The following ZRANB3 variants were observed in gnomAD, a reference collection of about 807,000 sequenced individuals.
ZRANB3 encodes zinc finger RANBP2-type containing 3.
ZRANB3 carries 125 observed loss-of-function variants against 133.8 expected under a neutral mutation model. That is an observed-to-expected ratio of 0.93 (90% CI 0.81 to 1.08). The LOEUF is 1.08. Among genes scored for constraint, ZRANB3 ranks in the 50% least tolerant of loss-of-function variants. The probability of loss-of-function intolerance (pLI) is 0.00; values close to 1 mark genes in which losing one functional copy is unlikely to be tolerated. For missense variants in ZRANB3, 1,229 were observed against 1,275.5 expected, an observed-to-expected ratio of 0.96 and a Z score of 0.56; for synonymous variants, 387 against 432.7, an observed-to-expected ratio of 0.89 and a Z score of 1.31.
intron 1 of ZRANB3, among the ~76,000 whole-genome samples, chr2:135,510,266 T>C (rs945689563): frequency 4.6e-5 from 7 of 152,100 alleles, no homozygotes; most frequent in Non-Finnish European, 8.8e-5. Flanking sequence ...ACATGCAAAA[T>C]AAGCAAGGAA....
intron 2 of ZRANB3, among the ~76,000 whole-genome samples, chr2:135,403,448 C>G (rs916681351): frequency 9.9e-5 from 15 of 152,230 alleles, no homozygotes; most frequent in Non-Finnish European, 1.8e-4. Context: ...GTAAACAAAC[C>G]AGCCTGGAAG....
chr2:135,527,879 T>C (rs1363223826), intron 1 of ZRANB3, among the ~76,000 whole-genome samples: 1 of 152,238 alleles, frequency 6.6e-6, no homozygotes, highest in Non-Finnish European at 1.5e-5. Context: ...ACCTTTACTT[T>C]CTTTTTTACA....
At chr2:135,384,580 T>C (rs540458165) in intron 3 of ZRANB3, among the ~76,000 whole-genome samples, 7 of 152,312 alleles carry the variant, frequency 4.6e-5, no homozygotes, top group East Asian at 1.9e-4. Context: ...TGAACATTGA[T>C]GCAAAAATCC....
intron 2 of ZRANB3, among the ~76,000 whole-genome samples, chr2:135,485,869 A>G: frequency 6.6e-6 from 1 of 152,232 alleles, no homozygotes; most frequent in East Asian, 1.9e-4. Context: ...ATCTTTTTGG[A>G]TTACATTTTC....
intron 2 of ZRANB3, among the ~76,000 whole-genome samples, chr2:135,480,090 T>C (rs997752257): frequency 2.0e-5 from 3 of 149,596 alleles, no homozygotes; most frequent in Non-Finnish European, 4.4e-5. Flanking sequence ...CCCGCCACCA[T>C]GTCAGGCTAA....
chr2:135,258,909 A>T (rs1464776898), intron 12 of ZRANB3, among the ~76,000 whole-genome samples: 6 of 152,198 alleles, frequency 3.9e-5, no homozygotes, highest in Non-Finnish European at 5.9e-5. Context: ...TGCAGGAAAA[A>T]AAGTTTATTT....
chr2:135,482,915 A>G (rs1274552899), intron 2 of ZRANB3, among the ~76,000 whole-genome samples: 4 of 151,868 alleles, frequency 2.6e-5, no homozygotes, highest in Non-Finnish European at 5.9e-5. Context: ...ATGCTGGATT[A>G]CATTTATTGA....
chr2:135,315,617 TA>T, intron 6 of ZRANB3, 87 bp from the exon 7 acceptor site: 1 of 966,092 alleles, frequency 1.0e-6, no homozygotes. Flanking sequence ...CTTTTAATGA[TA>T]AGGAGCCATG....
chr2:135,279,308 C>A (rs1680987998), intron 8 of ZRANB3, among the ~76,000 whole-genome samples: 1 of 152,226 alleles, frequency 6.6e-6, no homozygotes, highest in Admixed American at 6.5e-5. Context: ...TTTTGCATGT[C>A]TAAGTTTTCT....
intron 17 of ZRANB3, among the ~76,000 whole-genome samples, chr2:135,213,626 C>A (rs1177076669): frequency 6.6e-6 from 1 of 152,182 alleles, no homozygotes; most frequent in Non-Finnish European, 1.5e-5. Context: ...TCTTCATTCT[C>A]TTTCCTGATT....
chr2:135,454,630 C>G (rs180899732), intron 2 of ZRANB3, among the ~76,000 whole-genome samples: 1 of 152,302 alleles, frequency 6.6e-6, no homozygotes, highest in Admixed American at 6.5e-5. Flanking sequence ...CATTATACCA[C>G]TCTGTATGCC....
intron 2 of ZRANB3, among the ~76,000 whole-genome samples, chr2:135,430,267 G>C (rs1181133788): frequency 6.6e-6 from 1 of 152,018 alleles, no homozygotes; most frequent in Non-Finnish European, 1.5e-5. Context: ...TTGATGAAGA[G>C]AGCCATAGTT....
chr2:135,314,440 G>C (rs1288417627), intron 7 of ZRANB3, among the ~76,000 whole-genome samples: 1 of 152,002 alleles, frequency 6.6e-6, no homozygotes, highest in Non-Finnish European at 1.5e-5. Context: ...ATGCTTATAA[G>C]CTTTCAAGAT....
intron 2 of ZRANB3, among the ~76,000 whole-genome samples, chr2:135,431,937 G>A (rs1051394157): frequency 3.3e-5 from 5 of 152,056 alleles, no homozygotes; most frequent in East Asian, 1.9e-4. Context: ...ACCGTGAGCC[G>A]AGGTAAAGGC....
Position 135,265,663 on chromosome 2 carries a change from C to A in ZRANB3, c.1410G>T (p.Leu470=), listed in dbSNP as rs185868777. Residue 470 remains leucine, a synonymous_variant, in exon 12 of 21, where the codon CTG becomes CTT. Coordinates refer to ENST00000264159, the MANE Select transcript of ZRANB3 (RefSeq NM_032143.4). ...CCTGAATTTTTTCTTTCCTACCGTT[C>A]AGTGTGCTCCCTGTAACTTGAGCCT... ...NRKAQVTGST[L]NGRKEKIQAE... 111 of 1,613,572 alleles carry A rather than the reference C, an allele frequency of 6.9e-5. 1 individual carries two copies. The highest frequency in any genetic ancestry group is 2.5e-4 in the Admixed American group (15 of 59,986).
intron 8 of ZRANB3, among the ~76,000 whole-genome samples, chr2:135,282,718 G>T (rs1029322809): frequency 6.6e-6 from 1 of 152,096 alleles, no homozygotes; most frequent in African/African-American, 2.4e-5. Flanking sequence ...TGTGAAGAAG[G>T]CAATTCCAAT....
intron 12 of ZRANB3, among the ~76,000 whole-genome samples, chr2:135,239,416 T>TC (rs1553460221): frequency 3.7e-5 from 1 of 27,162 alleles, no homozygotes; most frequent in Non-Finnish European, 6.9e-5. Flanking sequence ...GTATAAAAAA[T>TC]CAAAAAAAAA....
chr2:135,252,255 A>C (rs1222018167), intron 12 of ZRANB3, among the ~76,000 whole-genome samples: 1 of 152,146 alleles, frequency 6.6e-6, no homozygotes, highest in African/African-American at 2.4e-5. Context: ...TGGGCTTAAT[A>C]CCTGGGTGAT....
Position 135,353,626 on chromosome 2 carries a change from C to A in ZRANB3, c.183G>T (p.Met61Ile). The part of the protein sequence containing the change: ...RNGRCMVADE[M>I]GLGKTIQAIG... ...TTGCCTGGATTGTCTTTCCTAGACC[C>A]ATCTAAATTAAAAAATAAATAAATG... The change falls in exon 4 of 21, where the codon ATG (methionine) becomes ATT (isoleucine). Residue 61 changes from methionine (M) to isoleucine (I), a missense_variant and splice_region_variant. Met to Ile is a conservative substitution (Grantham distance 10). Transcript: ENST00000264159. 7 of 1,449,804 alleles carry A rather than the reference C, an allele frequency of 4.8e-6. No individual in the cohort carries two copies. Among genetic ancestry groups the A allele is most frequent in the South Asian group, 4.6e-5 (3 of 65,548 alleles). 89.8% of individuals were successfully genotyped at this position (1,449,804 alleles called of 1,614,324 possible).
Sources: gnomAD v4.1 joint callset for allele counts (sites outside exome capture counted in the v4.1 genomes callset) on GRCh38, gnomAD v4.1.1 for gene constraint, MANE v1.5 for transcripts, NCBI Gene and HGNC (gene_info 2026-07-23, HGNC 2026-07-21) for gene names.